The following ASIC2 variants were observed in gnomAD, a reference collection of about 807,000 sequenced individuals.
ASIC2 encodes the protein acid-sensing ion channel 2.
In ASIC2, 25 loss-of-function variants were observed where a neutral mutation model predicts 57.3. The ratio of observed to expected loss-of-function variants is 0.44; its 90% CI spans 0.32 to 0.61. ASIC2 has a LOEUF of 0.61. Among genes scored for constraint, ASIC2 ranks in the 20% least tolerant of loss-of-function variants. ASIC2 has a pLI of 0.06. For missense variants in ASIC2, 641 were observed against 738.1 expected, an observed-to-expected ratio of 0.87 and a Z score of 1.52; for synonymous variants, 319 against 307.5, an observed-to-expected ratio of 1.04 and a Z score of -0.39.
intron 1 of ASIC2, among the ~76,000 whole-genome samples, chr17:33,813,221 G>A (rs573405605): frequency 2.0e-5 from 3 of 152,230 alleles, no homozygotes; most frequent in African/African-American, 7.2e-5. Flanking sequence ...AGAGAGCAAA[G>A]AGCCCAGACT....
rs1182127491 is a variant in ASIC2, at chr17:33,310,521, G to T, written c.556-198454C>A. 2.0e-5 allele frequency among the ~76,000 whole-genome samples: 3 copies of T among 152,194 alleles called. No individual in the cohort carries two copies. In the East Asian group the frequency reaches 5.8e-4, roughly 29 times the overall value. Reference sequence around the variant, plus strand: ...TGAATGTGCATTGACGAGGACAAAGGTTAGGGACTGTGGTGCTGATCTGAG... The same window carrying T: ...TGAATGTGCATTGACGAGGACAAAGTTTAGGGACTGTGGTGCTGATCTGAG... On this transcript the variant is annotated intron_variant, in intron 1 of 9. Coordinates refer to the ASIC2 transcript ENST00000359872.
At chr17:33,942,421 A>G (rs887891627) in intron 1 of ASIC2, among the ~76,000 whole-genome samples, 2 of 152,210 alleles carry the variant, frequency 1.3e-5, no homozygotes, top group Admixed American at 6.5e-5. Flanking sequence ...TGAGACCCAG[A>G]GAAGTGCAGG....
At chr17:33,163,884 T>C (rs1905231446) in intron 1 of ASIC2, among the ~76,000 whole-genome samples, 1 of 152,076 alleles carries the variant, frequency 6.6e-6, no homozygotes, top group Non-Finnish European at 1.5e-5. Context: ...TGAGTAAAGA[T>C]CTAAAGGGGG....
At position 33,579,131 on chromosome 17, in the gene ASIC2, A is replaced by G. The variant is rs544642069; in HGVS notation, c.556-467064T>C. Among the ~76,000 whole-genome samples, 5 of 152,150 alleles carry G rather than the reference A, an allele frequency of 3.3e-5. No individual in the cohort carries two copies. The East Asian group carries it at 7.7e-4, about 24-fold the overall frequency. ...GAAACCCCGTCTCTACTAAAAATAT[A>G]AAACAGTAGCCAGGCATGATGGTGG... is the stretch of plus-strand genomic sequence containing the variant. On this transcript the variant is annotated intron_variant, in intron 1 of 9. Transcript: ENST00000359872.
intron 1 of ASIC2, among the ~76,000 whole-genome samples, chr17:33,566,578 T>C (rs1055193643): frequency 1.3e-5 from 2 of 152,184 alleles, no homozygotes; most frequent in African/African-American, 2.4e-5. Flanking sequence ...TGGGAGAGCA[T>C]GGGCAGCTGG....
chr17:33,244,215 A>T (rs1908611487), intron 1 of ASIC2, among the ~76,000 whole-genome samples: 1 of 152,178 alleles, frequency 6.6e-6, no homozygotes. Flanking sequence ...ACTTCAAGAT[A>T]TGTCCCCATC....
At chr17:33,661,427 C>T (rs928404962) in intron 1 of ASIC2, among the ~76,000 whole-genome samples, 3 of 152,188 alleles carry the variant, frequency 2.0e-5, no homozygotes, top group African/African-American at 7.2e-5. Context: ...CGAGGGCCAT[C>T]ATCTTTGTAG....
At chr17:33,955,040 CATCA>C (rs1254441848) in intron 1 of ASIC2, 3 of 152,154 alleles carry the variant, frequency 2.0e-5, no homozygotes, top group South Asian at 2.1e-4. Flanking sequence ...TTCTTGCTTG[CATCA>C]AAGGTAGGTA....
intron 1 of ASIC2, among the ~76,000 whole-genome samples, chr17:34,014,668 C>T (rs1032788700): frequency 3.9e-5 from 6 of 152,176 alleles, no homozygotes; most frequent in Non-Finnish European, 8.8e-5. Context: ...ACCCTAGCTG[C>T]CAATCTGGTC....
chr17:34,043,194 T>C (rs1908203064), intron 1 of ASIC2, among the ~76,000 whole-genome samples: 1 of 152,232 alleles, frequency 6.6e-6, no homozygotes. Flanking sequence ...TGATGCGGTA[T>C]TCCCTGGTTC....
intron 1 of ASIC2, among the ~76,000 whole-genome samples, chr17:34,100,183 T>C (rs1337045736): frequency 4.5e-5 from 2 of 44,114 alleles, no homozygotes; most frequent in East Asian, 1.2e-3. Flanking sequence ...CTCTCTTTCT[T>C]GTTTTTTTTT....
intron 2 of ASIC2, among the ~76,000 whole-genome samples, chr17:33,094,755 T>C (rs1182002610): frequency 6.6e-6 from 1 of 152,188 alleles, no homozygotes; most frequent in Non-Finnish European, 1.5e-5. Context: ...TTTTGTCCCC[T>C]AGTCCTAGCT....
intron 1 of ASIC2, among the ~76,000 whole-genome samples, chr17:33,733,027 G>A (rs1909795887): frequency 6.6e-6 from 1 of 152,360 alleles, no homozygotes; most frequent in African/African-American, 2.4e-5. Context: ...TAGAGGACAG[G>A]AGATGTTCCC....
At chr17:33,843,948 C>T (rs1436415621) in intron 1 of ASIC2, among the ~76,000 whole-genome samples, 2 of 152,210 alleles carry the variant, frequency 1.3e-5, no homozygotes, top group African/African-American at 4.8e-5. Context: ...CCTTGCCTAA[C>T]TCTTAACTGA....
intron 1 of ASIC2, among the ~76,000 whole-genome samples, chr17:33,765,412 A>G (rs1182587669): frequency 6.6e-6 from 1 of 152,114 alleles, no homozygotes; most frequent in East Asian, 1.9e-4. Flanking sequence ...CCGGCGATGG[A>G]GCATAATTGT....
At chr17:33,708,257 G>T (rs546811054) in intron 1 of ASIC2, among the ~76,000 whole-genome samples, 9 of 152,276 alleles carry the variant, frequency 5.9e-5, no homozygotes, top group African/African-American at 2.2e-4. Flanking sequence ...AATGGAAATT[G>T]GTTGGCTTCT....
intron 1 of ASIC2, among the ~76,000 whole-genome samples, chr17:34,084,769 G>A (rs558567777): frequency 6.6e-6 from 1 of 152,256 alleles, no homozygotes; most frequent in South Asian, 2.1e-4. Flanking sequence ...TCCCTTGTAA[G>A]GTGGATTCCT....
At chr17:33,487,223 A>G (rs1477665319) in intron 1 of ASIC2, among the ~76,000 whole-genome samples, 1 of 152,180 alleles carries the variant, frequency 6.6e-6, no homozygotes, top group Non-Finnish European at 1.5e-5. Flanking sequence ...AAATAGGTTA[A>G]ATTCAGAGCA....
rs71364627 is a variant in ASIC2 at position 33,917,890 on chromosome 17, G to GCACACA, written c.555+238082_555+238087dup. On this transcript the variant is annotated intron_variant, in intron 1 of 9. Transcript: ENST00000359872. ...CACACACACACACACACGTGCATGTGCACACACACACACACACACACACAG... is the reference window on the plus strand; with the variant it reads ...CACACACACACACACACGTGCATGTGCACACACACACACACACACACACACACACAG... Among the ~76,000 whole-genome samples the GCACACA allele has an allele frequency of 8.3e-5, 11 of 132,566 alleles. No individual in the cohort carries two copies. In the East Asian group the frequency reaches 1.5e-3, roughly 18 times the overall value. The allele number at this position is 132,566 out of a possible 152,430, so 87.0% of individuals were successfully genotyped here.
Sources: allele counts gnomAD v4.1 joint callset (sites outside exome capture counted in the v4.1 genomes callset), GRCh38; gene constraint gnomAD v4.1.1; transcripts MANE v1.5; gene names NCBI Gene and HGNC (gene_info 2026-07-23, HGNC 2026-07-21).